Variants in HOOK2 observed in about 807,000 individuals in gnomAD.
HOOK2 encodes hook microtubule tethering protein 2, also known as protein Hook homolog 2.
A neutral mutation model predicts 111.9 loss-of-function variants in HOOK2; 108 were observed. That is an observed-to-expected ratio of 0.96 (90% CI 0.83 to 1.13). The LOEUF is 1.13. HOOK2 is among the 50% of genes most tolerant of loss of function. The pLI, the probability that HOOK2 is intolerant of heterozygous loss-of-function variation, is 0.00. For synonymous variants in HOOK2, 405 were observed against 394.3 expected, an observed-to-expected ratio of 1.03 and a Z score of -0.32; for missense variants, 978 against 951.3, an observed-to-expected ratio of 1.03 and a Z score of -0.37.
intron 18 of HOOK2, 28 bp downstream of exon 18, chr19:12,765,662 C>G (rs749794616): frequency 1.2e-6 from 2 of 1,613,878 alleles, no homozygotes; most frequent in South Asian, 2.2e-5. Context: ...CATGCCCCCA[C>G]GAGGAGTTCC....
intron 17 of HOOK2, 28 bp downstream of exon 17, chr19:12,765,801 G>A (rs1325089604): frequency 6.2e-7 from 1 of 1,613,792 alleles, no homozygotes; most frequent in Non-Finnish European, 8.5e-7. Flanking sequence ...GAGGGTAGGG[G>A]GTGCCATCCT....
At position 12,772,897 on chromosome 19, in the gene HOOK2, C is replaced by A; in HGVS notation, c.271G>T (p.Val91Leu). 1 of 1,614,222 alleles carries A rather than the reference C, an allele frequency of 6.2e-7. No individual in the cohort carries two copies. Residue 91 changes from valine (V) to leucine (L), a missense_variant, in exon 5 of 23, where the codon GTG (valine) becomes TTG (leucine). By Grantham distance (32) the Val-to-Leu change is conservative (BLOSUM62 1). Around this residue, in one of 5 missense-constraint regions of HOOK2, gnomAD observed 301 missense variants for 286.1 expected, o/e 1.05. Transcript: ENST00000397668. ...ACATCTGGGAGATGCTCTTCTGACA[C>A]AGGATGCGCCAGGACCTGGGGAGAA... Reference protein sequence around the residue: ...EYSQDVLAHPVSEEHLPDVSL... With the variant: ...EYSQDVLAHPLSEEHLPDVSL...
upstream of HOOK2, among the ~76,000 whole-genome samples, chr19:12,776,078 C>T (rs1968500570): frequency 6.7e-6 from 1 of 149,418 alleles, no homozygotes; most frequent in Non-Finnish European, 1.5e-5. Context: ...GGGGTTTCAC[C>T]GTGTTAGCCA....
upstream of HOOK2, among the ~76,000 whole-genome samples, chr19:12,780,380 G>A (rs931652743): frequency 1.3e-5 from 2 of 151,334 alleles, no homozygotes; most frequent in Admixed American, 6.6e-5. Context: ...TTTTTGAGAC[G>A]GAGTCTCACT....
At chr19:12,792,056 C>T (rs1318586281) in intron 3 of HOOK2, 1 of 1,610,094 alleles carries the variant, frequency 6.2e-7, no homozygotes, top group Non-Finnish European at 8.5e-7. Flanking sequence ...TCCCCAACAG[C>T]AACGGCGTGA....
At chr19:12,774,094 CTTTT>C (rs1389830147) in intron 3 of HOOK2, 1 of 155,064 alleles carries the variant, frequency 6.4e-6, no homozygotes, top group Non-Finnish European at 1.4e-5. Flanking sequence ...TTTTCTTTTT[CTTTT>C]TCTTTTTCTT....
chr19:12,778,147 G>A (rs936729465), upstream of HOOK2, among the ~76,000 whole-genome samples: 1 of 152,042 alleles, frequency 6.6e-6, no homozygotes, highest in Non-Finnish European at 1.5e-5. Context: ...AGAGGGAGGG[G>A]CGGGCTCTGC....
upstream of HOOK2, among the ~76,000 whole-genome samples, chr19:12,776,808 A>G (rs1968526480): frequency 6.6e-6 from 1 of 151,736 alleles, no homozygotes; most frequent in Non-Finnish European, 1.5e-5. Flanking sequence ...TGATAGGGCC[A>G]CTACACTCCA....
upstream of HOOK2, among the ~76,000 whole-genome samples, chr19:12,777,424 G>A (rs1968548063): frequency 6.6e-6 from 1 of 152,154 alleles, no homozygotes; most frequent in South Asian, 2.1e-4. Flanking sequence ...ACGCTGCAGT[G>A]AGCCGTGGTC....
At chr19:12,781,199 A>G (rs1430936076), upstream of HOOK2, among the ~76,000 whole-genome samples, 1 of 141,530 alleles carries the variant, frequency 7.1e-6, no homozygotes, top group Non-Finnish European at 1.5e-5. Flanking sequence ...GCTACTCGGG[A>G]GGCTGAGGCA....
chr19:12,791,613 C>A lies in HOOK2; in HGVS notation n.42-17388G>T. The A allele has an allele frequency of 5.5e-6, 3 of 545,864 alleles. No individual in the cohort carries two copies. Among genetic ancestry groups the A allele is most frequent in the South Asian group, 5.4e-5 (2 of 37,030 alleles). 33.8% of individuals were successfully genotyped at this position (545,864 alleles called of 1,614,324 possible). ...CTCGGGAAGCCTGACAGGGCTTTTG[C>A]GCACAGCTGCCGGCTGGCTGCTACC... On this transcript the variant is annotated intron_variant and non_coding_transcript_variant, in intron 3 of 3. Coordinates refer to the HOOK2 transcript ENST00000589765. This position sits in a 1 kb window ranked among gnomAD's most constrained non-coding sequence, Gnocchi z 7.0.
At chr19:12,780,706 C>T (rs529368445), upstream of HOOK2, among the ~76,000 whole-genome samples, 82 of 103,858 alleles carry the variant, frequency 7.9e-4, 1 homozygote, top group African/African-American at 3.0e-3. Flanking sequence ...CGGCCGGGCA[C>T]GGTGGCTCAC....
Position 12,786,593 on chromosome 19 carries a change from G to C in HOOK2, n.42-12368C>G, listed in dbSNP as rs747452168. ...GCCAGTCTGGACGCTCAGGCCAGTT[G>C]GGGGAGGGGGCTGTTCTCCCACCCT... On this transcript the variant is annotated intron_variant and non_coding_transcript_variant, in intron 3 of 3. Transcript: ENST00000589765. The surrounding 1 kb of genome is among the most constrained non-coding windows in gnomAD (Gnocchi z 4.3). Among the ~76,000 whole-genome samples, 2 of 152,186 alleles carry C rather than the reference G, an allele frequency of 1.3e-5. No individual in the cohort carries two copies. The highest frequency in any genetic ancestry group is 2.9e-5 in the Non-Finnish European group (2 of 68,026).
chr19:12,763,314 A>T lies in HOOK2; in HGVS notation c.2128T>A (p.Ser710Thr). The T allele has an allele frequency of 6.2e-7, 1 of 1,613,994 alleles. No homozygotes were observed. Among genetic ancestry groups the T allele is most frequent in the Non-Finnish European group, 8.5e-7 (1 of 1,180,036 alleles). Residue 710 changes from serine to threonine, a missense_variant, in exon 23 of 23, where the codon TCT becomes ACT. Physicochemically the swap from Ser to Thr is moderately conservative, Grantham distance 58 (BLOSUM62 1). Transcript: ENST00000397668. ...TTGTCAGTGGGGCGAAGGTTCAGAG[A>T]TGCCAGGCGTCCCAAGGGTCCACGG... The part of the protein sequence containing the change: ...SRRGPLGRLA[S>T]LNLRPTDKH
At chr19:12,770,893 C>T (rs1968305869) in intron 10 of HOOK2, 39 bp downstream of exon 10, 3 of 1,566,634 alleles carry the variant, frequency 1.9e-6, no homozygotes, top group Admixed American at 3.6e-5. Flanking sequence ...GGTTTACCCC[C>T]CGCCCCCCGT....
chr19:12,787,001 C>T (rs1968664421), intron 3 of HOOK2: 1 of 152,144 alleles, frequency 6.6e-6, no homozygotes, highest in Admixed American at 6.5e-5. Flanking sequence ...GACCCTGTCT[C>T]AATAAAATAT....
rs1968047441 is a variant in HOOK2 at position 12,763,230 on chromosome 19, C to T, written c.*52G>A. 6 of 1,580,322 alleles carry T rather than the reference C, an allele frequency of 3.8e-6. No homozygotes were observed. In the East Asian group the frequency reaches 1.4e-4, roughly 36 times the overall value. On this transcript the variant is annotated 3_prime_UTR_variant, in exon 23 of 23. Coordinates refer to ENST00000397668, the MANE Select transcript of HOOK2 (RefSeq NM_013312.3). ...AGCCCAGTGCTGGGCGCCATGTGAG[C>T]TGGAGGAAGCCAGGGTGGGTGGAGC... is the stretch of plus-strand genomic sequence containing the variant.
chr19:12,787,962 G>T (rs577500847), intron 3 of HOOK2, among the ~76,000 whole-genome samples: 15 of 152,248 alleles, frequency 9.9e-5, no homozygotes, highest in African/African-American at 3.6e-4. Context: ...GGCTGAGGCA[G>T]GAGAATCGCT....
In HOOK2 at chr19:12,790,448, G is replaced by C. The variant is rs1269848624; in HGVS notation, n.42-16223C>G. Among the ~76,000 whole-genome samples the C allele has an allele frequency of 1.3e-5, 2 of 152,232 alleles. No individual in the cohort carries two copies. Among genetic ancestry groups the C allele is most frequent in the East Asian group, 3.8e-4 (2 of 5,202 alleles). On this transcript the variant is annotated intron_variant and non_coding_transcript_variant, in intron 3 of 3. Coordinates refer to the HOOK2 transcript ENST00000589765. The surrounding 1 kb of genome is among the most constrained non-coding windows in gnomAD (Gnocchi z 7.2). ...GCTCTAGGAGCCGACACGGTGTTGG[G>C]CAAAGCCCAGGGTCAATAGGGGAGG...
Sources: gnomAD v4.1 joint callset for allele counts (sites outside exome capture counted in the v4.1 genomes callset) on GRCh38, gnomAD v4.1.1 for gene constraint, gnomAD v4.1.1 regional missense constraint, Gnocchi (gnomAD v3.1) non-coding constraint, MANE v1.5 for transcripts, NCBI Gene and HGNC (gene_info 2026-07-23, HGNC 2026-07-21) for gene names.